The following PLCB1 variants were observed in gnomAD, a reference collection of about 807,000 sequenced individuals.
The protein encoded by PLCB1 is phospholipase C beta 1.
A neutral mutation model predicts 161.8 loss-of-function variants in PLCB1; 46 were observed. The ratio of observed to expected loss-of-function variants is 0.28; its 90% CI spans 0.22 to 0.36. The LOEUF (loss-of-function observed/expected upper bound fraction) is 0.36, where lower values mean the gene tolerates loss of function less well. Ranked by LOEUF, PLCB1 falls within the 10% of genes least tolerant of loss-of-function variation. PLCB1 has a pLI of 1.00. For synonymous variants in PLCB1, 517 were observed against 503.7 expected, an observed-to-expected ratio of 1.03 and a Z score of -0.35; for missense variants, 1,016 against 1,472.5, an observed-to-expected ratio of 0.69 and a Z score of 5.07.
intron 9 of PLCB1, among the ~76,000 whole-genome samples, chr20:8,671,717 A>G (rs780789000): frequency 1.3e-5 from 2 of 152,190 alleles, no homozygotes; most frequent in Non-Finnish European, 2.9e-5. Flanking sequence ...CCAACTGCCA[A>G]GAAGGCAGGA....
chr20:8,319,990 G>A (rs768780451), intron 2 of PLCB1, among the ~76,000 whole-genome samples: 8 of 151,944 alleles, frequency 5.3e-5, no homozygotes, highest in Non-Finnish European at 1.2e-4. Flanking sequence ...AAAACTTAAA[G>A]TATAATAATA....
chr20:8,439,154 A>C (rs1438308631), intron 3 of PLCB1, among the ~76,000 whole-genome samples: 1 of 152,208 alleles, frequency 6.6e-6, no homozygotes, highest in Non-Finnish European at 1.5e-5. Flanking sequence ...AAGAGTGAGC[A>C]AATGATTTAA....
intron 3 of PLCB1, among the ~76,000 whole-genome samples, chr20:8,527,012 A>C (rs1396368723): frequency 6.6e-6 from 1 of 152,100 alleles, no homozygotes; most frequent in African/African-American, 2.4e-5. Context: ...GAGCATTTGT[A>C]ATTTTAAAGG....
chr20:8,500,393 A>C lies in PLCB1; in HGVS notation c.247-127901A>C, dbSNP rs555736250. ...TTCTAGTTATATACAGATATTTCAG[A>C]TAATAAGAACCAAATCTTGCCTCAA... On this transcript the variant is annotated intron_variant, in intron 3 of 31. Transcript: ENST00000338037. Among the ~76,000 whole-genome samples, 6 of 152,342 alleles carry C rather than the reference A, an allele frequency of 3.9e-5. No individual in the cohort carries two copies. In the East Asian group the frequency reaches 5.8e-4, roughly 15 times the overall value.
chr20:8,718,454 GTTTCCTTGCTT>G (rs1047280511), intron 14 of PLCB1, among the ~76,000 whole-genome samples: 8 of 152,200 alleles, frequency 5.3e-5, no homozygotes, highest in African/African-American at 1.9e-4. Flanking sequence ...GGGAGAAGCT[GTTTCCTTGCTT>G]TTTCCAGCTT....
chr20:8,324,332 G>T (rs545722343), intron 2 of PLCB1, among the ~76,000 whole-genome samples: 3 of 151,850 alleles, frequency 2.0e-5, no homozygotes, highest in Non-Finnish European at 2.9e-5. Flanking sequence ...GATATTTTCC[G>T]TAAGAGTCAG....
At chr20:8,215,816 A>G (rs6055660) in intron 2 of PLCB1, among the ~76,000 whole-genome samples, 181 of 152,122 alleles carry the variant, frequency 1.2e-3, no homozygotes, top group African/African-American at 3.9e-3. Context: ...GCTAAATATT[A>G]GACAATCTGC....
At chr20:8,482,379 G>A (rs1361852394) in intron 3 of PLCB1, among the ~76,000 whole-genome samples, 3 of 152,016 alleles carry the variant, frequency 2.0e-5, no homozygotes, top group African/African-American at 7.3e-5. Flanking sequence ...TGGGATTATA[G>A]GTGTGAGCCA....
intron 2 of PLCB1, among the ~76,000 whole-genome samples, chr20:8,365,643 A>AT (rs994067018): frequency 1.1e-4 from 17 of 152,240 alleles, no homozygotes; most frequent in African/African-American, 3.4e-4. Flanking sequence ...CTCTAAAATC[A>AT]TTTTTTTAAA....
chr20:8,455,872 T>G (rs146601632), intron 3 of PLCB1, among the ~76,000 whole-genome samples: 205 of 152,296 alleles, frequency 1.3e-3, no homozygotes, highest in African/African-American at 4.9e-3. Flanking sequence ...TAGGCTCCTA[T>G]CTTTGTGCTG....
chr20:8,133,929 A>G (rs761540986), intron 1 of PLCB1, among the ~76,000 whole-genome samples: 52 of 152,172 alleles, frequency 3.4e-4, no homozygotes, highest in Non-Finnish European at 6.5e-4. Flanking sequence ...GTGTCTGAAA[A>G]CAATTTAAAT....
intron 9 of PLCB1, among the ~76,000 whole-genome samples, chr20:8,665,585 T>C (rs1989791163): frequency 6.6e-6 from 1 of 152,114 alleles, no homozygotes; most frequent in Non-Finnish European, 1.5e-5. Context: ...TCTGACTCAA[T>C]CATTCTTTTC....
chr20:8,755,469 A>G (rs1366933500), intron 23 of PLCB1, among the ~76,000 whole-genome samples: 4 of 152,314 alleles, frequency 2.6e-5, no homozygotes, highest in South Asian at 2.1e-4. Flanking sequence ...TTGGAAGGCA[A>G]TTCTGATAAA....
At position 8,288,107 on chromosome 20, in the gene PLCB1, C is replaced by T. The variant is rs182192569; in HGVS notation, c.178-83275C>T. Among the ~76,000 whole-genome samples the T allele has an allele frequency of 9.2e-5, 14 of 152,248 alleles. No homozygotes were observed. The East Asian group carries it at 9.7e-4, about 11-fold the overall frequency. The stretch of plus-strand genomic sequence containing the variant: ...GGCTAGTTGCAGAGGACCCTCCAAT[C>T]GGTACATTGGAAATTCTTGGCTGAA... On this transcript the variant is annotated intron_variant, in intron 2 of 31. Coordinates refer to ENST00000338037, the MANE Select transcript of PLCB1 (RefSeq NM_015192.4).
At chr20:8,829,519 C>T (rs1370164576) in intron 31 of PLCB1, among the ~76,000 whole-genome samples, 1 of 152,204 alleles carries the variant, frequency 6.6e-6, no homozygotes. Flanking sequence ...TGTACATCCT[C>T]AGTTAAGAGA....
At chr20:8,198,393 T>C (rs914012980) in intron 2 of PLCB1, among the ~76,000 whole-genome samples, 2 of 152,164 alleles carry the variant, frequency 1.3e-5, no homozygotes, top group African/African-American at 4.8e-5. Context: ...GTAAGTTGGA[T>C]TCCTAGCTAT....
At chr20:8,348,521 T>C (rs190517363) in intron 2 of PLCB1, among the ~76,000 whole-genome samples, 21 of 152,254 alleles carry the variant, frequency 1.4e-4, no homozygotes, top group African/African-American at 2.6e-4. Flanking sequence ...ATATGAATTG[T>C]GTTGGAGCAG....
intron 3 of PLCB1, among the ~76,000 whole-genome samples, chr20:8,556,659 GTGT>G (rs1568506583): frequency 0.014 from 115 of 8,012 alleles, no homozygotes; most frequent in African/African-American, 0.019. Flanking sequence ...AGGGTTGGGT[GTGT>G]GTGTGTGTGT....
chr20:8,646,091 A>T lies in PLCB1; in HGVS notation c.385-11A>T. On this transcript the variant is annotated splice_polypyrimidine_tract_variant and intron_variant, in intron 4 of 31. Coordinates refer to ENST00000338037, the MANE Select transcript of PLCB1 (RefSeq NM_015192.4). ...ATTTAAGCTAATGCAAGTGTTATTTACATTTTTCAGGAATGGACAAATGAG... is the reference window on the plus strand; with the variant it reads ...ATTTAAGCTAATGCAAGTGTTATTTTCATTTTTCAGGAATGGACAAATGAG... 1 of 1,589,232 alleles carries T rather than the reference A, an allele frequency of 6.3e-7. No homozygotes were observed. The highest frequency in any genetic ancestry group is 1.7e-5 in the Admixed American group (1 of 59,996).
Sources: allele counts gnomAD v4.1 joint callset (sites outside exome capture counted in the v4.1 genomes callset), GRCh38; gene constraint gnomAD v4.1.1; transcripts MANE v1.5; gene names NCBI Gene and HGNC (gene_info 2026-07-23, HGNC 2026-07-21).